The following SLC25A28 variants were observed in gnomAD, a reference collection of about 807,000 sequenced individuals.
SLC25A28 encodes the protein mitoferrin-2.
Under a neutral mutation model 31.9 loss-of-function variants are expected in SLC25A28, and 10 were observed. That is an observed-to-expected ratio of 0.31 (90% CI 0.19 to 0.53). The LOEUF (loss-of-function observed/expected upper bound fraction) is 0.53, where lower values mean the gene tolerates loss of function less well. SLC25A28 is among the 20% of genes least tolerant of loss of function. The pLI, the probability that SLC25A28 is intolerant of heterozygous loss-of-function variation, is 0.95. For missense variants in SLC25A28, 256 were observed against 490.3 expected (o/e 0.52, Z 4.51); for synonymous variants, 208 against 203.6 (o/e 1.02, Z -0.19).
the SLC25A28 span, among the ~76,000 whole-genome samples, chr10:99,651,084 C>A: frequency 1.3e-5 from 2 of 152,006 alleles, no homozygotes. Context: ...TTATTGTTTC[C>A]CAGCATCCAG....
chr10:99,632,170 A>C, the SLC25A28 span, among the ~76,000 whole-genome samples: 4 of 151,998 alleles, frequency 2.6e-5, no homozygotes, highest in Non-Finnish European at 4.4e-5. Context: ...TGCTGGGATT[A>C]CAGGCGTGAG....
At chr10:99,641,514 G>A in the SLC25A28 span, among the ~76,000 whole-genome samples, 1 of 152,084 alleles carries the variant, frequency 6.6e-6, no homozygotes, top group Non-Finnish European at 1.5e-5. Context: ...CCATTCTGTA[G>A]GCTGCCTGTT....
the SLC25A28 span, among the ~76,000 whole-genome samples, chr10:99,647,079 A>G: frequency 6.6e-6 from 1 of 152,242 alleles, no homozygotes; most frequent in Non-Finnish European, 1.5e-5. Flanking sequence ...TGATGGACAC[A>G]GTTTGATTTC....
chr10:99,643,488 T>C, the SLC25A28 span, among the ~76,000 whole-genome samples: 1 of 152,226 alleles, frequency 6.6e-6, no homozygotes, highest in Admixed American at 6.5e-5. Flanking sequence ...TAGCGGTCTA[T>C]CAATTTTGTT....
the SLC25A28 span, among the ~76,000 whole-genome samples, chr10:99,632,115 C>A: frequency 6.6e-6 from 1 of 151,346 alleles, no homozygotes; most frequent in Non-Finnish European, 1.5e-5. Flanking sequence ...CCAGGATGGT[C>A]TCGATCTCCT....
the SLC25A28 span, among the ~76,000 whole-genome samples, chr10:99,632,189 C>T: frequency 1.4e-4 from 21 of 152,018 alleles, no homozygotes; most frequent in Admixed American, 1.4e-3. Context: ...AGCCACCGCG[C>T]CTGGCCCAGT....
the SLC25A28 span, among the ~76,000 whole-genome samples, chr10:99,641,361 C>A: frequency 6.6e-5 from 10 of 152,132 alleles, no homozygotes; most frequent in African/African-American, 2.2e-4. Context: ...GCATAAATGT[C>A]TTCTTTTGAG....
chr10:99,658,030 TA>T, the SLC25A28 span, among the ~76,000 whole-genome samples: 4 of 150,284 alleles, frequency 2.7e-5, no homozygotes, highest in Admixed American at 6.6e-5. Flanking sequence ...TACAAAGAAT[TA>T]AAAAAAAATA....
the SLC25A28 span, among the ~76,000 whole-genome samples, chr10:99,642,889 A>G: frequency 7.9e-4 from 121 of 152,312 alleles, no homozygotes; most frequent in African/African-American, 2.8e-3. Context: ...CATATGTCCA[A>G]CCAGCCTTGC....
At chr10:99,649,555 A>C in the SLC25A28 span, among the ~76,000 whole-genome samples, 1 of 152,162 alleles carries the variant, frequency 6.6e-6, no homozygotes, top group Admixed American at 6.5e-5. Context: ...TATTTGGTAG[A>C]ATTTGGCTGT....
At chr10:99,616,458 A>G (rs1308912096) in intron 1 of SLC25A28, 5 of 981,342 alleles carry the variant, frequency 5.1e-6, no homozygotes, top group Non-Finnish European at 3.6e-6. Context: ...AAATGATTCT[A>G]TATTTGTTCA....
At chr10:99,643,460 CTTCT>C in the SLC25A28 span, among the ~76,000 whole-genome samples, 57 of 151,958 alleles carry the variant, frequency 3.8e-4, no homozygotes, top group Non-Finnish European at 7.6e-4. Flanking sequence ...TCTCTCTTTT[CTTCT>C]TTATTAGTCT....
chr10:99,646,867 C>T, the SLC25A28 span, among the ~76,000 whole-genome samples: 1 of 152,204 alleles, frequency 6.6e-6, no homozygotes, highest in Admixed American at 6.5e-5. Context: ...ATAGTCCACA[C>T]TGTATATCCA....
At chr10:99,646,518 G>A in the SLC25A28 span, among the ~76,000 whole-genome samples, 23 of 152,332 alleles carry the variant, frequency 1.5e-4, no homozygotes, top group African/African-American at 5.1e-4. Context: ...CAGGTGAGGT[G>A]ATGCTCCACC....
chr10:99,612,508 G>A (rs1374097472), intron 3 of SLC25A28, 35 bp downstream of exon 3: 1 of 1,609,094 alleles, frequency 6.2e-7, no homozygotes, highest in Non-Finnish European at 8.5e-7. Flanking sequence ...TACAGGTGCA[G>A]CTGCCCACAG....
the SLC25A28 span, among the ~76,000 whole-genome samples, chr10:99,637,321 C>T: frequency 6.6e-6 from 1 of 152,214 alleles, no homozygotes; most frequent in Non-Finnish European, 1.5e-5. Flanking sequence ...GACAAACCCA[C>T]AGCCAACATT....
chr10:99,648,465 A>AT, the SLC25A28 span, among the ~76,000 whole-genome samples: 4,991 of 151,912 alleles, frequency 0.033, 250 homozygotes, highest in African/African-American at 0.11. Flanking sequence ...GAATTTTAGG[A>AT]TTTTTTTATA....
the SLC25A28 span, among the ~76,000 whole-genome samples, chr10:99,648,647 A>T: frequency 6.8e-6 from 1 of 147,118 alleles, no homozygotes; most frequent in Non-Finnish European, 1.5e-5. Context: ...AGTTCTCCTT[A>T]TAAAGATCTT....
In SLC25A28 at chr10:99,612,547, C is replaced by T. The variant is rs777716401; in HGVS notation, c.573G>A (p.Ala191=). The T allele has an allele frequency of 5.6e-6, 9 of 1,614,138 alleles. No homozygotes were observed. The Admixed American group carries it at 1.2e-4, about 21-fold the overall frequency. ...TLLHDAAMNP[A]EVVKQRMQMY... is the part of the protein sequence containing the mutation. The stretch of plus-strand genomic sequence containing the variant: ...GATAGGTTGAGGAATCATTACCTTC[C>T]GCAGGGTTCATGGCTGCATCATGAA... Residue 191 remains alanine (A), a synonymous_variant, in exon 3 of 4, where the codon GCG becomes GCA. Coordinates refer to ENST00000370495, the MANE Select transcript of SLC25A28 (RefSeq NM_031212.4).
Sources: gnomAD v4.1 joint callset for allele counts (sites outside exome capture counted in the v4.1 genomes callset) on GRCh38, gnomAD v4.1.1 for gene constraint, MANE v1.5 for transcripts, NCBI Gene and HGNC (gene_info 2026-07-23, HGNC 2026-07-21) for gene names.